SUGCT: variants seen among roughly 807,000 people sequenced by gnomAD.
SUGCT encodes succinyl-CoA:glutarate-CoA transferase, also known as succinyl-CoA:glutarate CoA-transferase.
A neutral mutation model predicts 55.0 loss-of-function variants in SUGCT; 41 were observed. The observed-to-expected ratio is 0.74, with a 90% confidence interval of 0.58 to 0.97. The LOEUF (loss-of-function observed/expected upper bound fraction) is 0.97. Among genes scored for constraint, SUGCT ranks in the 50% least tolerant of loss-of-function variants. The pLI, the probability that SUGCT is intolerant of heterozygous loss-of-function variation, is 0.00. For missense variants in SUGCT, 568 were observed against 547.8 expected (o/e 1.04, Z -0.37); for synonymous variants, 187 against 200.4 (o/e 0.93, Z 0.56).
At chr7:40,699,139 A>G (rs1785065914) in intron 12 of SUGCT, among the ~76,000 whole-genome samples, 1 of 152,180 alleles carries the variant, frequency 6.6e-6, no homozygotes, top group Non-Finnish European at 1.5e-5. Context: ...AGTTTGGTTC[A>G]ATGTGCCAAA....
intron 12 of SUGCT, among the ~76,000 whole-genome samples, chr7:40,695,810 C>T (rs1031376679): frequency 4.6e-5 from 7 of 152,010 alleles, no homozygotes; most frequent in Admixed American, 1.3e-4. Flanking sequence ...CACTAGATGC[C>T]GGTAGGAACC....
intron 6 of SUGCT, among the ~76,000 whole-genome samples, chr7:40,234,595 C>G (rs996252724): frequency 1.1e-4 from 16 of 152,058 alleles, no homozygotes; most frequent in Admixed American, 7.9e-4. Flanking sequence ...TTACCTGAAT[C>G]AAGACGTTTG....
chr7:40,233,381 G>A lies in SUGCT; in HGVS notation c.485-4254G>A, dbSNP rs544404178. On this transcript the variant is annotated intron_variant, in intron 6 of 13. Coordinates refer to ENST00000335693, the MANE Select transcript of SUGCT (RefSeq NM_001193313.2). ...ATTACAGGCATGCGCCACCATGCCT[G>A]GCTAATTTTTTGTATCTTTAGTAGA... Among the ~76,000 whole-genome samples, 59 of 152,060 alleles carry A rather than the reference G, an allele frequency of 3.9e-4. 1 individual carries two copies. The highest frequency in any genetic ancestry group is 3.9e-3 in the Admixed American group (59 of 15,258).
the SUGCT span, among the ~76,000 whole-genome samples, chr7:40,930,761 A>G: frequency 6.6e-6 from 1 of 152,132 alleles, no homozygotes; most frequent in Non-Finnish European, 1.5e-5. Flanking sequence ...TGATTTTTGC[A>G]CATTGATTTT....
At chr7:40,769,033 A>G (rs1249633511) in intron 13 of SUGCT, among the ~76,000 whole-genome samples, 1 of 152,158 alleles carries the variant, frequency 6.6e-6, no homozygotes, top group Non-Finnish European at 1.5e-5. Flanking sequence ...AGGGCTAATA[A>G]TTAGATGTTA....
intron 12 of SUGCT, among the ~76,000 whole-genome samples, chr7:40,584,952 A>T (rs1313313408): frequency 4.6e-5 from 7 of 152,232 alleles, no homozygotes; most frequent in Admixed American, 1.3e-4. Context: ...AGGCAAGTGC[A>T]TTGTAAATGA....
intron 12 of SUGCT, among the ~76,000 whole-genome samples, chr7:40,703,445 G>A (rs1053452176): frequency 3.9e-5 from 6 of 152,080 alleles, no homozygotes; most frequent in African/African-American, 1.4e-4. Flanking sequence ...CTTTGTGAAG[G>A]TCACCTCCTC....
At chr7:40,141,686 A>G (rs1787991445) in intron 1 of SUGCT, 1 of 194,848 alleles carries the variant, frequency 5.1e-6, no homozygotes, top group Non-Finnish European at 1.1e-5. Context: ...CAGGTAATAT[A>G]TGAAGATTGA....
chr7:40,182,792 A>G (rs1584275211), intron 3 of SUGCT, among the ~76,000 whole-genome samples: 1 of 152,212 alleles, frequency 6.6e-6, no homozygotes, highest in African/African-American at 2.4e-5. Context: ...AGGAATATCC[A>G]GACCCTCAGC....
chr7:40,529,369 C>T (rs766165708), intron 12 of SUGCT, among the ~76,000 whole-genome samples: 1 of 152,230 alleles, frequency 6.6e-6, no homozygotes, highest in Non-Finnish European at 1.5e-5. Context: ...TCCACCTCCT[C>T]TCCAGTGTTC....
chr7:40,824,257 T>C (rs537298970), intron 13 of SUGCT, among the ~76,000 whole-genome samples: 1 of 152,146 alleles, frequency 6.6e-6, no homozygotes, highest in Non-Finnish European at 1.5e-5. Flanking sequence ...AATTTGTCTA[T>C]AGCAGTAAAG....
chr7:40,525,053 T>A (rs1793729731), intron 12 of SUGCT, among the ~76,000 whole-genome samples: 1 of 152,238 alleles, frequency 6.6e-6, no homozygotes, highest in Admixed American at 6.5e-5. Context: ...TTTGTTAAAC[T>A]GTTAAACATT....
chr7:40,637,879 G>T (rs964099900), intron 12 of SUGCT, among the ~76,000 whole-genome samples: 1 of 152,234 alleles, frequency 6.6e-6, no homozygotes, highest in African/African-American at 2.4e-5. Context: ...AGCCAATGTG[G>T]AAGGAAAGCT....
intron 6 of SUGCT, among the ~76,000 whole-genome samples, chr7:40,220,301 A>G (rs967082546): frequency 3.3e-5 from 5 of 152,296 alleles, no homozygotes; most frequent in Non-Finnish European, 2.9e-5. Context: ...CTGATATTCC[A>G]TCTGGCTGTA....
intron 1 of SUGCT, among the ~76,000 whole-genome samples, chr7:40,162,185 C>G (rs746699467): frequency 6.6e-6 from 1 of 152,104 alleles, no homozygotes; most frequent in Non-Finnish European, 1.5e-5. Context: ...CATGAGCTAC[C>G]GCGCCCGGCC....
intron 12 of SUGCT, among the ~76,000 whole-genome samples, chr7:40,746,204 G>A (rs1009467007): frequency 1.3e-5 from 2 of 152,128 alleles, no homozygotes; most frequent in Non-Finnish European, 2.9e-5. Flanking sequence ...GACTTCCTGG[G>A]TTCTGAAATC....
intron 12 of SUGCT, among the ~76,000 whole-genome samples, chr7:40,675,469 G>A (rs1200709220): frequency 6.6e-6 from 1 of 152,242 alleles, no homozygotes; most frequent in Non-Finnish European, 1.5e-5. Flanking sequence ...AGGAGAATGA[G>A]TAGTTAACTG....
intron 13 of SUGCT, among the ~76,000 whole-genome samples, chr7:40,758,460 A>G (rs758687640): frequency 2.0e-5 from 3 of 152,132 alleles, no homozygotes; most frequent in Non-Finnish European, 4.4e-5. Flanking sequence ...ATGTTGGTGG[A>G]GATAAAGAAA....
At chr7:40,252,260 T>G (rs772379104) in intron 7 of SUGCT, among the ~76,000 whole-genome samples, 1 of 152,058 alleles carries the variant, frequency 6.6e-6, no homozygotes, top group Non-Finnish European at 1.5e-5. Flanking sequence ...CCCAGGTAGC[T>G]GGGGTATAGG....
Sources: gnomAD v4.1 joint callset for allele counts (sites outside exome capture counted in the v4.1 genomes callset) on GRCh38, gnomAD v4.1.1 for gene constraint, MANE v1.5 for transcripts, NCBI Gene and HGNC (gene_info 2026-07-23, HGNC 2026-07-21) for gene names.